Variants in ATP2B4 observed in about 807,000 individuals in gnomAD.
The protein encoded by ATP2B4 is ATPase plasma membrane Ca2+ transporting 4, also known as plasma membrane calcium-transporting ATPase 4.
ATP2B4 carries 39 observed loss-of-function variants against 110.3 expected under a neutral mutation model. The ratio of observed to expected loss-of-function variants is 0.35; its 90% CI spans 0.27 to 0.46. ATP2B4 has a LOEUF of 0.46. Ranked by LOEUF, ATP2B4 falls within the 20% of genes least tolerant of loss-of-function variation. The pLI is 1.00. For missense variants in ATP2B4, 1,135 were observed against 1,530.9 expected (o/e 0.74, Z 4.32); for synonymous variants, 538 against 571.7 (o/e 0.94, Z 0.84).
At chr1:203,710,153 G>A (rs533001693) in intron 11 of ATP2B4, among the ~76,000 whole-genome samples, 2 of 152,162 alleles carry the variant, frequency 1.3e-5, no homozygotes, top group East Asian at 1.9e-4. Context: ...AGAACACGAG[G>A]TCAGGAGTTC....
intron 2 of ATP2B4, among the ~76,000 whole-genome samples, chr1:203,689,913 A>T (rs866780477): frequency 6.6e-6 from 1 of 152,248 alleles, no homozygotes; most frequent in Non-Finnish European, 1.5e-5. Context: ...TGTATCATTT[A>T]GGGATTACCC....
Position 203,709,375 on chromosome 1 carries a change from A to C in ATP2B4, c.1632A>C (p.Thr544=). 1 of 1,614,212 alleles carries C rather than the reference A, an allele frequency of 6.2e-7. No individual in the cohort carries two copies. The highest frequency in any genetic ancestry group is 1.6e-4 in the Middle Eastern group (1 of 6,062). Residue 544 remains threonine (T), a synonymous_variant, in exon 11 of 21, where the codon ACA becomes ACC. Coordinates refer to ENST00000357681, the MANE Select transcript of ATP2B4 (RefSeq NM_001684.5). The part of the protein sequence containing the change: ...KTECALLGFV[T]DLKQDYQAVR... The stretch of plus-strand genomic sequence containing the variant: ...AGTGTGCTCTGCTAGGCTTTGTCAC[A>C]GATCTGAAGCAGGATTATCAGGCTG...
chr1:203,734,425 T>C (rs571101881), intron 20 of ATP2B4, among the ~76,000 whole-genome samples: 143 of 152,158 alleles, frequency 9.4e-4, no homozygotes, highest in African/African-American at 3.4e-3. Flanking sequence ...TCAGTTAATC[T>C]TGGCTGGGTG....
At chr1:203,690,505 G>T (rs988100057) in intron 2 of ATP2B4, among the ~76,000 whole-genome samples, 15 of 152,182 alleles carry the variant, frequency 9.9e-5, no homozygotes, top group Non-Finnish European at 1.3e-4. Context: ...TTAGGGGGAT[G>T]TGGAGGACTA....
chr1:203,681,933 T>TAA (rs33945815), intron 1 of ATP2B4, among the ~76,000 whole-genome samples: 120,011 of 146,824 alleles, frequency 0.82, 49,812 homozygotes, highest in East Asian at 0.97. Flanking sequence ...TCCCCTTTAC[T>TAA]AGAAAAAAAA....
Position 203,699,761 on chromosome 1 carries a change from A to G in ATP2B4, c.649+44A>G, listed in dbSNP as rs370813276. Reference sequence around the variant, plus strand: ...TTTTGCTTACCCCACCACCACCCCCATTTAAGGGATAGGTCCTTTGGCATG... The same window carrying G: ...TTTTGCTTACCCCACCACCACCCCCGTTTAAGGGATAGGTCCTTTGGCATG... On this transcript the variant is annotated intron_variant, in intron 4 of 20. Coordinates refer to ENST00000357681, the MANE Select transcript of ATP2B4 (RefSeq NM_001684.5). The G allele has an allele frequency of 4.4e-5, 71 of 1,606,594 alleles. 1 individual carries two copies. Among genetic ancestry groups the G allele is most frequent in the Middle Eastern group, 2.0e-4 (1 of 4,974 alleles).
At chr1:203,730,410 A>G (rs980899767) in intron 20 of ATP2B4, among the ~76,000 whole-genome samples, 2 of 151,892 alleles carry the variant, frequency 1.3e-5, no homozygotes, top group African/African-American at 4.8e-5. Flanking sequence ...ACCCCACCCC[A>G]CACTCCAGGC....
At position 203,721,133 on chromosome 1, in the gene ATP2B4, C is replaced by T. The variant is rs116451987; in HGVS notation, c.2599-64C>T. 1,488 of 1,560,390 alleles carry T rather than the reference C, an allele frequency of 9.5e-4. 4 individuals are homozygous for T. Among genetic ancestry groups the T allele is most frequent in the African/African-American group, 7.7e-3 (566 of 73,842 alleles). On this transcript the variant is annotated intron_variant, in intron 16 of 20. Transcript: ENST00000357681. ...AGGTGGGTCGTGGGAGCTGGGCCAT[C>T]GACAGGGCAAAGGTGGGCTGGTTTC...
chr1:203,671,450 C>T (rs186509890), intron 1 of ATP2B4, among the ~76,000 whole-genome samples: 16 of 152,312 alleles, frequency 1.1e-4, no homozygotes, highest in Admixed American at 3.9e-4. Flanking sequence ...CGTGAGCCAC[C>T]GCACCTGCCT....
At chr1:203,691,747 C>G (rs1665382273) in intron 2 of ATP2B4, among the ~76,000 whole-genome samples, 2 of 152,328 alleles carry the variant, frequency 1.3e-5, no homozygotes, top group South Asian at 2.1e-4. Flanking sequence ...AGCAGGGAAA[C>G]TGCTGTATAC....
chr1:203,739,480 C>G, intron 20 of ATP2B4, 66 bp from the exon 21 acceptor site: 1 of 1,506,548 alleles, frequency 6.6e-7, no homozygotes, highest in Non-Finnish European at 9.0e-7. Context: ...TCCACCATCT[C>G]CTTGTTCTGC....
intron 8 of ATP2B4, among the ~76,000 whole-genome samples, chr1:203,704,015 G>A (rs1209456061): frequency 6.6e-6 from 1 of 152,180 alleles, no homozygotes; most frequent in Non-Finnish European, 1.5e-5. Context: ...ATGTTTTCCT[G>A]TGTGTAAGGG....
At position 203,683,177 on chromosome 1, in the gene ATP2B4, G is replaced by T. The variant is rs3766753; in HGVS notation, c.-29G>T. On this transcript the variant is annotated 5_prime_UTR_variant, in exon 2 of 21. Coordinates refer to ENST00000357681, the MANE Select transcript of ATP2B4 (RefSeq NM_001684.5). The stretch of plus-strand genomic sequence containing the variant: ...TGAAGGGAAACGCTACATCTTCTCT[G>T]GTTGAGGGGCTTGGTAACAGCAGGC... The T allele has an allele frequency of 6.2e-7, 1 of 1,605,568 alleles. No individual in the cohort carries two copies. Among genetic ancestry groups the T allele is most frequent in the East Asian group, 2.2e-5 (1 of 44,748 alleles).
chr1:203,655,834 G>A (rs1664144077), intron 1 of ATP2B4, among the ~76,000 whole-genome samples: 1 of 152,070 alleles, frequency 6.6e-6, no homozygotes, highest in Non-Finnish European at 1.5e-5. Flanking sequence ...CATCCACATT[G>A]AGAAAAGACC....
At chr1:203,639,860 C>A (rs537798418) in intron 1 of ATP2B4, among the ~76,000 whole-genome samples, 3 of 152,294 alleles carry the variant, frequency 2.0e-5, no homozygotes, top group African/African-American at 4.8e-5. Context: ...AGAAATAGAA[C>A]AATACCTCTC....
intron 6 of ATP2B4, among the ~76,000 whole-genome samples, chr1:203,701,573 G>A (rs1197911812): frequency 6.6e-6 from 1 of 152,208 alleles, no homozygotes; most frequent in Non-Finnish European, 1.5e-5. Context: ...TTTAGTGGAG[G>A]ACAGTTTATG....
intron 1 of ATP2B4, among the ~76,000 whole-genome samples, chr1:203,640,240 A>G (rs1463202393): frequency 6.6e-6 from 1 of 151,864 alleles, no homozygotes; most frequent in Admixed American, 6.6e-5. Flanking sequence ...TCCCAAGAAC[A>G]TCCTCCTGTT....
In ATP2B4 at chr1:203,645,188, A is replaced by T. The variant is rs147218229; in HGVS notation, c.-465+17969A>T. On this transcript the variant is annotated intron_variant, in intron 1 of 20. Transcript: ENST00000357681. ...AAACAGTTGTGTTTCAGAGCTCCCC[A>T]GGCTGGCCAAATCCATAGTTCCAAT... Among the ~76,000 whole-genome samples the T allele has an allele frequency of 5.1e-3, 783 of 152,330 alleles. 9 individuals are homozygous for T. The highest frequency in any genetic ancestry group is 0.018 in the African/African-American group (745 of 41,570).
intron 1 of ATP2B4, among the ~76,000 whole-genome samples, chr1:203,674,307 CCTCTA>C (rs1469411335): frequency 3.3e-5 from 5 of 152,248 alleles, no homozygotes; most frequent in African/African-American, 9.6e-5. Context: ...GCTGTTTCAT[CCTCTA>C]CATTTTTTTG....
Sources: gnomAD v4.1 joint callset for allele counts (sites outside exome capture counted in the v4.1 genomes callset) on GRCh38, gnomAD v4.1.1 for gene constraint, MANE v1.5 for transcripts, NCBI Gene and HGNC (gene_info 2026-07-23, HGNC 2026-07-21) for gene names.